The following GRB2 variants were observed in gnomAD, a reference collection of about 807,000 sequenced individuals.
The protein encoded by GRB2 is growth factor receptor bound protein 2.
GRB2 carries 2 observed loss-of-function variants against 27.4 expected under a neutral mutation model. That is an observed-to-expected ratio of 0.07 (90% CI 0.03 to 0.23). The LOEUF (loss-of-function observed/expected upper bound fraction) is 0.23. GRB2 is among the 10% of genes least tolerant of loss of function. The pLI, the probability that GRB2 is intolerant of heterozygous loss-of-function variation, is 1.00. For synonymous variants in GRB2, 94 were observed against 99.6 expected (o/e 0.94, Z 0.33); for missense variants, 102 against 282.4 (o/e 0.36, Z 4.58).
intron 2 of GRB2, among the ~76,000 whole-genome samples, chr17:75,358,474 G>A (rs993909603): frequency 6.6e-6 from 1 of 151,876 alleles, no homozygotes; most frequent in African/African-American, 2.4e-5. Context: ...CATTACCTTT[G>A]AGTGTTTGCT....
intron 2 of GRB2, among the ~76,000 whole-genome samples, chr17:75,379,573 T>C (rs2078914825): frequency 6.6e-6 from 1 of 151,948 alleles, no homozygotes; most frequent in South Asian, 2.1e-4. Context: ...TAATTTTTTT[T>C]ATTTTTAGTA....
chr17:75,333,857 A>G (rs1275212850), intron 2 of GRB2, among the ~76,000 whole-genome samples: 1 of 152,158 alleles, frequency 6.6e-6, no homozygotes, highest in African/African-American at 2.4e-5. Context: ...CTACAGATGT[A>G]AAAAAACAAG....
chr17:75,401,975 T>C (rs1291492713), intron 1 of GRB2, among the ~76,000 whole-genome samples: 1 of 152,238 alleles, frequency 6.6e-6, no homozygotes, highest in East Asian at 1.9e-4. Flanking sequence ...TCCATCTGCA[T>C]AGGCAGATAT....
intron 2 of GRB2, among the ~76,000 whole-genome samples, chr17:75,361,877 A>T (rs62090324): frequency 1.9e-4 from 25 of 131,024 alleles, no homozygotes; most frequent in East Asian, 1.2e-3. Flanking sequence ...TGTCTTTATT[A>T]AAAAAAAAAA....
chr17:75,377,995 G>T (rs1187300334), intron 2 of GRB2, among the ~76,000 whole-genome samples: 3 of 152,202 alleles, frequency 2.0e-5, no homozygotes, highest in Non-Finnish European at 4.4e-5. Flanking sequence ...GTCTGCTGGT[G>T]TGTCTTCCCA....
At chr17:75,358,914 T>A (rs201122762) in intron 2 of GRB2, among the ~76,000 whole-genome samples, 4 of 31,030 alleles carry the variant, frequency 1.3e-4, no homozygotes, top group East Asian at 7.4e-3. Flanking sequence ...TATATATATA[T>A]AAATATATAT....
chr17:75,319,258 A>G lies in GRB2; in HGVS notation c.*1110T>C, dbSNP rs2078439204. 3.9e-5 allele frequency: 6 copies of G among 152,084 alleles called. No homozygotes were observed. In the Admixed American group the frequency reaches 3.9e-4, roughly 10 times the overall value. 9.4% of individuals were successfully genotyped at this position (152,084 alleles called of 1,614,324 possible). A position where few individuals can be genotyped will look rare whatever the true frequency, so the allele number is the denominator to read the frequency against. ...GGGAAAAATATTTACACAGAGTAGG[A>G]GACAAATTGGCTGAAAAGCTCTGGA... On this transcript the variant is annotated 3_prime_UTR_variant, in exon 6 of 6. Coordinates refer to ENST00000316804, the MANE Select transcript of GRB2 (RefSeq NM_002086.5).
chr17:75,381,736 A>AG lies in GRB2; in HGVS notation c.78+11814_78+11815insC, dbSNP rs1491414270. On this transcript the variant is annotated intron_variant, in intron 2 of 5. Coordinates refer to ENST00000316804, the MANE Select transcript of GRB2 (RefSeq NM_002086.5). ...ACTCCGTCTCAAAAAAAAAAAAAAG[A>AG]AAAAAAAAAAGAAAATAAAGATATA... 3.4e-3 allele frequency among the ~76,000 whole-genome samples: 361 copies of AG among 106,466 alleles called. 9 individuals carry two copies. Among genetic ancestry groups the AG allele is most frequent in the Non-Finnish European group, 4.7e-3 (259 of 55,192 alleles). 69.8% of individuals were successfully genotyped at this position (106,466 alleles called of 152,430 possible).
chr17:75,325,417 C>A (rs187364165), intron 4 of GRB2, among the ~76,000 whole-genome samples: 1 of 152,202 alleles, frequency 6.6e-6, no homozygotes, highest in East Asian at 1.9e-4. Context: ...CCTGCTTACC[C>A]GCTCCCTTTC....
At chr17:75,376,755 A>C (rs1050002638) in intron 2 of GRB2, among the ~76,000 whole-genome samples, 1 of 152,082 alleles carries the variant, frequency 6.6e-6, no homozygotes, top group African/African-American at 2.4e-5. Context: ...TAATCCCAGC[A>C]CTTTGGGAGG....
intron 2 of GRB2, among the ~76,000 whole-genome samples, chr17:75,364,753 A>C (rs1414977094): frequency 2.0e-5 from 3 of 151,960 alleles, no homozygotes; most frequent in Non-Finnish European, 1.5e-5. Context: ...TATTATGGAC[A>C]ATGAACTCAG....
At chr17:75,383,859 A>AAAC (rs138974327) in intron 2 of GRB2, among the ~76,000 whole-genome samples, 2,109 of 152,226 alleles carry the variant, frequency 0.014, 46 homozygotes, top group African/African-American at 0.047. Context: ...CCCAAAAAGA[A>AAAC]AACAACAACA....
rs778762890 is a variant in GRB2, at chr17:75,393,600, T to G, written c.29A>C (p.Lys10Thr). The change falls in exon 2 of 6, where the codon AAA becomes ACA. Residue 10 changes from lysine (K) to threonine (T), a missense_variant. Physicochemically the swap from Lys to Thr is moderately conservative, Grantham distance 78 (BLOSUM62 -1). This residue lies in a region of GRB2 where 45 missense variants were observed against 110.6 expected (regional missense o/e 0.41). Transcript: ENST00000316804. The stretch of plus-strand genomic sequence containing the variant: ...GCTCAGCTCGTCGTCTGCAGTAGCT[T>G]TGAAGTCATATTTGGCGATGGCTTC... Reference protein sequence around the residue: MEAIAKYDFKATADDELSFK... With the variant: MEAIAKYDFTATADDELSFK... 1 of 1,614,188 alleles carries G rather than the reference T, an allele frequency of 6.2e-7. No homozygotes were observed. The highest frequency in any genetic ancestry group is 1.1e-5 in the South Asian group (1 of 91,090).
Position 75,332,817 on chromosome 17 carries a change from CA to C in GRB2, c.79-21del, listed in dbSNP as rs779572234. 10 of 1,410,154 alleles carry C rather than the reference CA, an allele frequency of 7.1e-6. No homozygotes were observed. Among genetic ancestry groups the C allele is most frequent in the Admixed American group, 1.8e-5 (1 of 54,584 alleles). The allele number at this position is 1,410,154 out of a possible 1,614,324, so 87.4% of individuals were successfully genotyped here. A position where few individuals can be genotyped will look rare whatever the true frequency, so the allele number is the denominator to read the frequency against. On this transcript the variant is annotated intron_variant, in intron 2 of 5. Transcript: ENST00000316804. Reference sequence around the variant, plus strand: ...CAAAACCTGAAAAGAAATAAGACAACAAAAAAACCCAATCATTTCCTTTTCC... The same window carrying C: ...CAAAACCTGAAAAGAAATAAGACAACAAAAAACCCAATCATTTCCTTTTCC...
chr17:75,365,962 G>A (rs377427383), intron 2 of GRB2, among the ~76,000 whole-genome samples: 16 of 151,896 alleles, frequency 1.1e-4, no homozygotes, highest in Non-Finnish European at 1.5e-4. Context: ...TTTCATAGTC[G>A]TACCTAATCA....
intron 2 of GRB2, among the ~76,000 whole-genome samples, chr17:75,386,061 G>A (rs1223683926): frequency 6.6e-6 from 1 of 151,966 alleles, no homozygotes; most frequent in Admixed American, 6.6e-5. Flanking sequence ...ATACATAATT[G>A]AAATAAACAT....
At chr17:75,343,712 G>A (rs570155599) in intron 2 of GRB2, among the ~76,000 whole-genome samples, 3 of 152,066 alleles carry the variant, frequency 2.0e-5, no homozygotes, top group African/African-American at 4.8e-5. Flanking sequence ...TCTACCAAAG[G>A]GGTACAAAAA....
At chr17:75,362,248 G>A (rs528210942) in intron 2 of GRB2, among the ~76,000 whole-genome samples, 47 of 152,192 alleles carry the variant, frequency 3.1e-4, no homozygotes, top group African/African-American at 1.1e-3. Context: ...CATCACCTCC[G>A]CCATGTCTTT....
At chr17:75,375,941 C>T (rs1358419725) in intron 2 of GRB2, among the ~76,000 whole-genome samples, 3 of 146,780 alleles carry the variant, frequency 2.0e-5, no homozygotes, top group South Asian at 2.2e-4. Context: ...AGGAGAATGG[C>T]GTGAACCCAG....
Sources: gnomAD v4.1 joint callset for allele counts (sites outside exome capture counted in the v4.1 genomes callset) on GRCh38, gnomAD v4.1.1 for gene constraint, gnomAD v4.1.1 regional missense constraint, MANE v1.5 for transcripts, NCBI Gene and HGNC (gene_info 2026-07-23, HGNC 2026-07-21) for gene names.